RNASEH2B: variants seen among roughly 807,000 people sequenced by gnomAD.
RNASEH2B encodes the protein Aicardi-Goutieres syndrome 2 protein.
RNASEH2B carries 36 observed loss-of-function variants against 45.0 expected under a neutral mutation model. The observed-to-expected ratio is 0.80, with a 90% CI of 0.61 to 1.06. The LOEUF (loss-of-function observed/expected upper bound fraction) is 1.06, where lower values mean the gene tolerates loss of function less well. Ranked by LOEUF, RNASEH2B falls within the 50% of genes least tolerant of loss-of-function variation. The pLI is 0.00. For missense variants in RNASEH2B, 361 were observed against 360.3 expected (o/e 1.00, Z -0.02); for synonymous variants, 119 against 125.7 (o/e 0.95, Z 0.35).
chr13:50,966,247 A>T lies in RNASEH2B; in HGVS notation c.742-3685A>T, dbSNP rs141684651. ...CACACAAACATAAATGCATACCCACATATGGCACAGATACAGACTTAAATC... is the reference window on the plus strand; with the variant it reads ...CACACAAACATAAATGCATACCCACTTATGGCACAGATACAGACTTAAATC... On this transcript the variant is annotated intron_variant, in intron 9 of 9. Transcript: ENST00000422660. Among the ~76,000 whole-genome samples the T allele has an allele frequency of 1.4e-3, 218 of 152,340 alleles. 1 individual carries two copies. The highest frequency in any genetic ancestry group is 6.8e-3 in the Middle Eastern group (2 of 294).
At chr13:50,945,879 A>T (rs1406218797) in intron 7 of RNASEH2B, among the ~76,000 whole-genome samples, 1 of 152,122 alleles carries the variant, frequency 6.6e-6, no homozygotes, top group Non-Finnish European at 1.5e-5. Context: ...CTCCCAGTAA[A>T]TTTCATAATG....
At chr13:50,949,561 A>G in intron 9 of RNASEH2B, 56 bp downstream of exon 9, 1 of 1,463,804 alleles carries the variant, frequency 6.8e-7, no homozygotes, top group South Asian at 1.1e-5. Flanking sequence ...TTACACTCTT[A>G]CCACATGAGT....
At chr13:50,930,572 G>T in intron 3 of RNASEH2B, 111 bp from the exon 4 acceptor site, 1 of 825,688 alleles carries the variant, frequency 1.2e-6, no homozygotes. Context: ...ATTTGAATTT[G>T]GAATTTCACA....
At chr13:50,921,487 G>C (rs755441697) in intron 1 of RNASEH2B, among the ~76,000 whole-genome samples, 1 of 152,188 alleles carries the variant, frequency 6.6e-6, no homozygotes, top group Non-Finnish European at 1.5e-5. Context: ...GAAAAAGGGT[G>C]GAGCCTCCAA....
intron 1 of RNASEH2B, among the ~76,000 whole-genome samples, chr13:50,923,083 G>T (rs556992031): frequency 6.6e-6 from 1 of 152,140 alleles, no homozygotes; most frequent in South Asian, 2.1e-4. Flanking sequence ...GCAGAGGAAA[G>T]AATTAGAAAA....
chr13:50,927,232 T>C lies in RNASEH2B; in HGVS notation c.65-175T>C. The C allele has an allele frequency of 5.5e-6, 3 of 541,148 alleles. No homozygotes were observed. In the South Asian group the frequency reaches 5.8e-5, roughly 10 times the overall value. The allele number at this position is 541,148 out of a possible 1,614,324, so 33.5% of individuals were successfully genotyped here. A position where few individuals can be genotyped will look rare whatever the true frequency, so the allele number is the denominator to read the frequency against. ...ACATTTAAACTACCTGAAATTCAAC[T>C]GCAACTTGCAGAGAAATTGGTAATT... On this transcript the variant is annotated intron_variant, in intron 1 of 10. Coordinates refer to ENST00000336617, the MANE Select transcript of RNASEH2B (RefSeq NM_024570.4).
intron 8 of RNASEH2B, 128 bp downstream of exon 8, chr13:50,948,196 T>C (rs1951930333): frequency 1.4e-6 from 2 of 1,452,686 alleles, no homozygotes; most frequent in African/African-American, 1.4e-5. Flanking sequence ...CTATGTCATA[T>C]ACTTTGTGCT....
At chr13:50,969,954 G>A in exon 10 of RNASEH2B, 2 of 1,551,628 alleles carry the variant, frequency 1.3e-6, no homozygotes, top group Non-Finnish European at 8.7e-7. Context: ...AGACAGAAAA[G>A]GGGCAAGTGA....
chr13:50,931,494 C>G (rs1421664788), intron 4 of RNASEH2B, among the ~76,000 whole-genome samples: 1 of 152,064 alleles, frequency 6.6e-6, no homozygotes, highest in African/African-American at 2.4e-5. Context: ...AACAAACAAC[C>G]AAATTTAATG....
intron 1 of RNASEH2B, among the ~76,000 whole-genome samples, chr13:50,917,933 G>T (rs553883709): frequency 6.6e-6 from 1 of 152,230 alleles, no homozygotes; most frequent in South Asian, 2.1e-4. Flanking sequence ...TTCCCACATA[G>T]TTCATGCTCC....
chr13:50,949,587 A>G (rs1417581645), intron 9 of RNASEH2B, 82 bp downstream of exon 9: 3 of 1,293,756 alleles, frequency 2.3e-6, no homozygotes, highest in Non-Finnish European at 3.4e-6. Context: ...TGGTTCTAAT[A>G]TATTTTAAGG....
intron 9 of RNASEH2B, chr13:50,952,719 A>C (rs1388523280): frequency 2.0e-5 from 3 of 152,200 alleles, no homozygotes; most frequent in African/African-American, 7.2e-5. Flanking sequence ...TATTCTTAAC[A>C]AAGTTGCAAA....
intron 6 of RNASEH2B, among the ~76,000 whole-genome samples, chr13:50,944,254 C>T (rs997231391): frequency 1.3e-5 from 2 of 152,082 alleles, no homozygotes; most frequent in African/African-American, 2.4e-5. Context: ...TTAAGAATCT[C>T]GCTAAACCAT....
chr13:50,945,722 T>C (rs1289735028), intron 7 of RNASEH2B, among the ~76,000 whole-genome samples, 190 bp downstream of exon 7: 4 of 152,216 alleles, frequency 2.6e-5, no homozygotes, highest in African/African-American at 9.7e-5. Flanking sequence ...GTTACTTCTG[T>C]CATTCATTGA....
intron 3 of RNASEH2B, among the ~76,000 whole-genome samples, chr13:50,930,327 A>G (rs1466093906): frequency 1.3e-5 from 2 of 152,236 alleles, no homozygotes; most frequent in African/African-American, 4.8e-5. Context: ...CAGGTTCCCT[A>G]ACATTGCCGT....
rs183930422 is a variant in RNASEH2B, at chr13:50,928,457, A to C, written c.136+979A>C. 1.9e-3 allele frequency: 286 copies of C among 152,352 alleles called. 1 individual carries two copies. Among genetic ancestry groups the C allele is most frequent in the African/African-American group, 6.3e-3 (264 of 41,584 alleles). The allele number at this position is 152,352 out of a possible 1,614,324, so 9.4% of individuals were successfully genotyped here. A position where few individuals can be genotyped will look rare whatever the true frequency, so the allele number is the denominator to read the frequency against. ...AGTTGACGTGAGAAATATTTCTTCA[A>C]GAGAAGTTTTAGGTAGCAGTAAAGG... On this transcript the variant is annotated intron_variant, in intron 2 of 10. Coordinates refer to ENST00000336617, the MANE Select transcript of RNASEH2B (RefSeq NM_024570.4).
intron 9 of RNASEH2B, chr13:50,969,904 A>G: frequency 6.5e-7 from 1 of 1,550,334 alleles, no homozygotes; most frequent in Non-Finnish European, 8.7e-7. Context: ...TCACCAGGAC[A>G]CACCACATGT....
At chr13:50,969,661 A>C (rs1347313723) in intron 9 of RNASEH2B, among the ~76,000 whole-genome samples, 2 of 150,616 alleles carry the variant, frequency 1.3e-5, no homozygotes, top group African/African-American at 4.9e-5. Flanking sequence ...ATTATATTTC[A>C]CTCCCTTTGA....
chr13:50,911,128 C>G (rs1029473735), intron 1 of RNASEH2B: 4 of 152,200 alleles, frequency 2.6e-5, no homozygotes, highest in African/African-American at 9.7e-5. Flanking sequence ...GTAACCATCC[C>G]CCAGTTCAAG....
Sources: allele counts gnomAD v4.1 joint callset (sites outside exome capture counted in the v4.1 genomes callset), GRCh38; gene constraint gnomAD v4.1.1; transcripts MANE v1.5; gene names NCBI Gene and HGNC (gene_info 2026-07-23, HGNC 2026-07-21).